The following MYO5A variants were observed in gnomAD, a reference collection of about 807,000 sequenced individuals.
The protein encoded by MYO5A is myosin VA.
MYO5A carries 98 observed loss-of-function variants against 249.7 expected under a neutral mutation model. That is an observed-to-expected ratio of 0.39 (90% CI 0.33 to 0.46). The LOEUF (loss-of-function observed/expected upper bound fraction) is 0.46. MYO5A is among the 20% of genes least tolerant of loss of function. MYO5A has a pLI of 0.98. For synonymous variants in MYO5A, 778 were observed against 810.6 expected (o/e 0.96, Z 0.68); for missense variants, 1,696 against 2,308.8 (o/e 0.73, Z 5.44).
chr15:52,511,263 T>C (rs1217223380), intron 1 of MYO5A, among the ~76,000 whole-genome samples: 1 of 152,232 alleles, frequency 6.6e-6, no homozygotes, highest in African/African-American at 2.4e-5. Flanking sequence ...GTAAACTCAT[T>C]ATGAGAAACA....
At chr15:52,334,121 A>T (rs1199785124) in intron 34 of MYO5A, among the ~76,000 whole-genome samples, 2 of 152,232 alleles carry the variant, frequency 1.3e-5, no homozygotes, top group African/African-American at 4.8e-5. Flanking sequence ...GATGAGGTTG[A>T]TTTCTGATTG....
At chr15:52,428,945 G>A (rs1035406716) in intron 2 of MYO5A, among the ~76,000 whole-genome samples, 2 of 152,152 alleles carry the variant, frequency 1.3e-5, no homozygotes, top group Admixed American at 1.3e-4. Flanking sequence ...GGATCAGATT[G>A]CCCAGGATTC....
At chr15:52,317,408 T>C (rs2038075576) in intron 39 of MYO5A, among the ~76,000 whole-genome samples, 186 bp from the exon 40 acceptor site, 1 of 152,186 alleles carries the variant, frequency 6.6e-6, no homozygotes, top group African/African-American at 2.4e-5. Context: ...ATAATCACCA[T>C]TATATAAGAC....
intron 20 of MYO5A, 87 bp downstream of exon 20, chr15:52,375,217 A>G (rs1244723041): frequency 3.6e-6 from 5 of 1,397,158 alleles, no homozygotes; most frequent in Non-Finnish European, 4.0e-6. Context: ...TCCTACCTTC[A>G]TTGTAGCCCC....
At chr15:52,390,182 T>G (rs376821743) in intron 12 of MYO5A, among the ~76,000 whole-genome samples, 1 of 152,064 alleles carries the variant, frequency 6.6e-6, no homozygotes, top group Non-Finnish European at 1.5e-5. Flanking sequence ...TGGGGGATGG[T>G]TAATAGGTAC....
intron 1 of MYO5A, among the ~76,000 whole-genome samples, chr15:52,514,466 G>C (rs1336271871): frequency 6.6e-6 from 1 of 152,164 alleles, no homozygotes; most frequent in Non-Finnish European, 1.5e-5. Context: ...GCCACACTGG[G>C]GTCCGGAAGA....
chr15:52,516,618 C>T (rs2077501424), intron 1 of MYO5A, among the ~76,000 whole-genome samples: 1 of 152,194 alleles, frequency 6.6e-6, no homozygotes, highest in African/African-American at 2.4e-5. Flanking sequence ...CTCACTAATC[C>T]CAAAACACCT....
At chr15:52,489,039 T>C (rs1396543995) in intron 1 of MYO5A, among the ~76,000 whole-genome samples, 1 of 152,120 alleles carries the variant, frequency 6.6e-6, no homozygotes, top group African/African-American at 2.4e-5. Flanking sequence ...ACATGCACCA[T>C]TAGACCAAAG....
intron 1 of MYO5A, among the ~76,000 whole-genome samples, chr15:52,512,119 C>T (rs993291371): frequency 1.9e-4 from 28 of 149,310 alleles, no homozygotes; most frequent in South Asian, 6.3e-4. Context: ...GCCGAGATTG[C>T]GCCACTGCAC....
intron 1 of MYO5A, among the ~76,000 whole-genome samples, chr15:52,472,407 T>A (rs550110086): frequency 3.3e-5 from 5 of 152,140 alleles, no homozygotes; most frequent in South Asian, 4.1e-4. Context: ...CATTTTTTTT[T>A]ATTATACTTT....
chr15:52,419,032 C>G (rs1180974038), intron 4 of MYO5A, among the ~76,000 whole-genome samples: 2 of 152,228 alleles, frequency 1.3e-5, no homozygotes, highest in Non-Finnish European at 2.9e-5. Context: ...TCAATTACAT[C>G]TACGTCATCA....
intron 6 of MYO5A, among the ~76,000 whole-genome samples, chr15:52,409,673 G>A (rs2043160296): frequency 6.6e-6 from 1 of 152,160 alleles, no homozygotes; most frequent in Non-Finnish European, 1.5e-5. Flanking sequence ...CACAGCATGA[G>A]GCAAGCAGTA....
intron 19 of MYO5A, among the ~76,000 whole-genome samples, chr15:52,375,857 T>C (rs182198589): frequency 9.6e-4 from 146 of 152,370 alleles, no homozygotes; most frequent in African/African-American, 3.4e-3. Context: ...TTCTTGGATC[T>C]AGCCATTATT....
intron 1 of MYO5A, among the ~76,000 whole-genome samples, chr15:52,508,006 C>T (rs976707314): frequency 4.6e-5 from 7 of 152,082 alleles, no homozygotes; most frequent in Admixed American, 1.3e-4. Flanking sequence ...CTCAACTGCC[C>T]TATCAGGAAA....
At position 52,410,363 on chromosome 15, in the gene MYO5A, A is replaced by G. The variant is rs1396926100; in HGVS notation, c.726T>C (p.Tyr242=). ...ATACCACTCTGGATTTCTCTAAAAG[A>G]TAAGTTCTCATATTGGCACCAATGA... ...YRIIGANMRT[Y]LLEKSRVVFQ... The change falls in exon 6 of 42, where the codon TAT becomes TAC. Residue 242 remains tyrosine, a synonymous_variant. Transcript: ENST00000399233. 2 of 1,613,818 alleles carry G rather than the reference A, an allele frequency of 1.2e-6. No homozygotes were observed. Among genetic ancestry groups the G allele is most frequent in the Non-Finnish European group, 1.7e-6 (2 of 1,179,866 alleles).
At chr15:52,528,138 G>A (rs1446271069) in intron 1 of MYO5A, among the ~76,000 whole-genome samples, 3 of 151,964 alleles carry the variant, frequency 2.0e-5, no homozygotes, top group Non-Finnish European at 4.4e-5. Context: ...AAGGCTCTGC[G>A]GGATTACACG....
chr15:52,471,217 C>T (rs1394875760), intron 1 of MYO5A, among the ~76,000 whole-genome samples: 5 of 152,138 alleles, frequency 3.3e-5, no homozygotes, highest in African/African-American at 1.2e-4. Context: ...TTGTCCCTTC[C>T]TGCCTTAAAT....
rs372584766 is a variant in MYO5A at position 52,319,016 on chromosome 15, T to G, written c.5234+44A>C. 8 of 1,609,270 alleles carry G rather than the reference T, an allele frequency of 5.0e-6. No individual in the cohort carries two copies. The African/African-American group carries it at 1.1e-4, about 21-fold the overall frequency. ...CTCTCCACAACCCTGGCAGGCCAGC[T>G]GGGCAGCAAAAAGACACTGTCGCAG... On this transcript the variant is annotated intron_variant, in intron 39 of 41. Coordinates refer to ENST00000399233, the MANE Select transcript of MYO5A (RefSeq NM_001382347.1).
intron 1 of MYO5A, among the ~76,000 whole-genome samples, chr15:52,438,310 G>A (rs770281275): frequency 3.3e-5 from 5 of 152,184 alleles, no homozygotes; most frequent in Non-Finnish European, 5.9e-5. Context: ...CCACTGGAAC[G>A]CATGAGGAAC....
Sources: allele counts gnomAD v4.1 joint callset (sites outside exome capture counted in the v4.1 genomes callset), GRCh38; gene constraint gnomAD v4.1.1; transcripts MANE v1.5; gene names NCBI Gene and HGNC (gene_info 2026-07-23, HGNC 2026-07-21).